The following PBRM1 variants were observed in gnomAD, a reference collection of about 807,000 sequenced individuals.
The protein encoded by PBRM1 is polybromo 1.
In PBRM1, 27 loss-of-function variants were observed where a neutral mutation model predicts 194.5. The ratio of observed to expected loss-of-function variants is 0.14; its 90% CI spans 0.10 to 0.19. The LOEUF (loss-of-function observed/expected upper bound fraction) is 0.19, where lower values mean the gene tolerates loss of function less well. Ranked by LOEUF, PBRM1 falls within the 10% of genes least tolerant of loss-of-function variation. The pLI is 1.00. For missense variants in PBRM1, 1,466 were observed against 2,077.2 expected (o/e 0.71, Z 5.72); for synonymous variants, 655 against 693.2 (o/e 0.94, Z 0.87).
At position 52,548,092 on chromosome 3, in the gene PBRM1, GA is replaced by G; in HGVS notation, c.5040del (p.Arg1681AlafsTer6). 1 of 1,610,186 alleles carries G rather than the reference GA, an allele frequency of 6.2e-7. No individual in the cohort carries two copies. Among genetic ancestry groups the G allele is most frequent in the Non-Finnish European group, 8.5e-7 (1 of 1,178,596 alleles). On this transcript the variant is annotated frameshift_variant, in exon 30 of 30. Transcript: ENST00000296302. LOFTEE classifies it high-confidence loss of function. Reference sequence around the variant, plus strand: ...ACATTTTCTAGGTTGTATGCTTGGCGAATGTTGAGGGTGTCCCGGAGCATCA... The same window carrying G: ...ACATTTTCTAGGTTGTATGCTTGGCGATGTTGAGGGTGTCCCGGAGCATCA...
chr3:52,662,442 T>C (rs778970582), intron 3 of PBRM1, among the ~76,000 whole-genome samples, 166 bp from the exon 5 acceptor site: 1 of 152,216 alleles, frequency 6.6e-6, no homozygotes, highest in African/African-American at 2.4e-5. Context: ...AAAAATTAAG[T>C]GTATGTTTTA....
chr3:52,566,435 T>C (rs567153178), intron 22 of PBRM1, among the ~76,000 whole-genome samples: 1 of 152,160 alleles, frequency 6.6e-6, no homozygotes, highest in Non-Finnish European at 1.5e-5. Context: ...ACAACCTACA[T>C]GTCCATTAAC....
At chr3:52,586,550 G>A (rs746373271) in exon 20 of PBRM1, 1 of 1,613,992 alleles carries the variant, frequency 6.2e-7, no homozygotes, top group Non-Finnish European at 8.5e-7. Context: ...GGCACATCCC[G>A]AGGGACAAAC....
At chr3:52,637,726 G>A (rs989729968) in intron 10 of PBRM1, among the ~76,000 whole-genome samples, 69 of 137,860 alleles carry the variant, frequency 5.0e-4, no homozygotes, top group African/African-American at 1.8e-3. Flanking sequence ...CCAGGAGTTC[G>A]AGATCAGCCT....
chr3:52,551,721 T>G (rs2081029349), intron 27 of PBRM1: 1 of 152,236 alleles, frequency 6.6e-6, no homozygotes. Flanking sequence ...GAACTGTTCT[T>G]GAAAACTTAA....
chr3:52,679,502 T>A (rs1215876863), intron 1 of PBRM1, 72 bp downstream of exon 2: 1 of 1,413,342 alleles, frequency 7.1e-7, no homozygotes, highest in African/African-American at 1.4e-5. Flanking sequence ...ATCGTAACAA[T>A]TTTACCATTA....
downstream of PBRM1, chr3:52,545,850 A>T (rs1337295053): frequency 1.3e-5 from 3 of 231,638 alleles, no homozygotes; most frequent in East Asian, 6.1e-5. Context: ...TCTTGAGTCA[A>T]TTTTTTTTTC....
intron 21 of PBRM1, among the ~76,000 whole-genome samples, chr3:52,578,528 T>A (rs1450427104): frequency 6.6e-6 from 1 of 152,224 alleles, no homozygotes; most frequent in African/African-American, 2.4e-5. Context: ...TATACCAGAC[T>A]CTGCTGTGTT....
At chr3:52,651,228 T>G (rs13065019) in intron 6 of PBRM1, among the ~76,000 whole-genome samples, 10 of 152,022 alleles carry the variant, frequency 6.6e-5, no homozygotes, top group Non-Finnish European at 1.2e-4. Flanking sequence ...CTGCCAGGGA[T>G]ACAGTGAAGG....
At chr3:52,550,726 A>G (rs1243264046) in intron 28 of PBRM1, 21 bp downstream of exon 30, 2 of 1,603,922 alleles carry the variant, frequency 1.2e-6, no homozygotes, top group East Asian at 2.2e-5. Context: ...AAGTCCTAGA[A>G]AATCAAACTG....
exon 25 of PBRM1, chr3:52,561,951 G>C (rs760304395): frequency 6.2e-7 from 1 of 1,613,708 alleles, no homozygotes; most frequent in South Asian, 1.1e-5. Flanking sequence ...CACTGCCTTT[G>C]GCAGACTTTG....
At position 52,658,285 on chromosome 3, in the gene PBRM1, C is replaced by A; in HGVS notation, c.559G>T (p.Glu187Ter). Residue 187 changes from glutamate to a stop codon, truncating the protein, a stop_gained, in exon 5 of 30, where the codon GAG becomes TAG. Coordinates refer to ENST00000296302, the Ensembl canonical transcript of PBRM1. LOFTEE classifies it high-confidence loss of function. Reference sequence around the variant, plus strand: ...ACAACTATGGCTTCAAGAAGCTGCTCCAGGATCTCCTTCAAGTAAGCTGGA... The same window carrying A: ...ACAACTATGGCTTCAAGAAGCTGCTACAGGATCTCCTTCAAGTAAGCTGGA... The A allele has an allele frequency of 6.2e-7, 1 of 1,610,912 alleles. No individual in the cohort carries two copies. The highest frequency in any genetic ancestry group is 1.1e-5 in the South Asian group (1 of 91,004).
upstream of PBRM1, chr3:52,685,892 C>G (rs1316558234): frequency 3.7e-5 from 23 of 628,650 alleles, no homozygotes; most frequent in Non-Finnish European, 5.7e-5. Flanking sequence ...TCCCTTACCC[C>G]TCCCGGTGCC....
chr3:52,617,565 A>C (rs770191117), intron 13 of PBRM1, 27 bp from the exon 16 acceptor site: 31 of 1,550,416 alleles, frequency 2.0e-5, no homozygotes, highest in Non-Finnish European at 2.7e-5. Flanking sequence ...AGAAAAGGGG[A>C]AAAATTAGAA....
intron 11 of PBRM1, among the ~76,000 whole-genome samples, chr3:52,630,377 G>C (rs1280137581): frequency 6.6e-6 from 1 of 152,036 alleles, no homozygotes; most frequent in South Asian, 2.1e-4. Flanking sequence ...GTACAATATA[G>C]TAGCCACTAG....
intron 25 of PBRM1, among the ~76,000 whole-genome samples, chr3:52,560,089 C>T (rs1032070037): frequency 3.9e-5 from 6 of 152,140 alleles, no homozygotes; most frequent in African/African-American, 1.4e-4. Flanking sequence ...ATAACTCCCC[C>T]CTCACTAGGT....
chr3:52,576,351 C>T (rs1455382444), intron 22 of PBRM1, among the ~76,000 whole-genome samples, 190 bp downstream of exon 24: 1 of 152,090 alleles, frequency 6.6e-6, no homozygotes, highest in Non-Finnish European at 1.5e-5. Flanking sequence ...CTAATTACCA[C>T]CTGATATTCT....
intron 24 of PBRM1, 149 bp downstream of exon 26, chr3:52,563,134 T>A: frequency 2.0e-6 from 1 of 495,174 alleles, no homozygotes. Flanking sequence ...AATGAATAAA[T>A]CATGGCACTG....
intron 5 of PBRM1, among the ~76,000 whole-genome samples, 165 bp downstream of exon 6, chr3:52,658,034 C>G (rs2096642128): frequency 6.6e-6 from 1 of 151,898 alleles, no homozygotes; most frequent in Non-Finnish European, 1.5e-5. Context: ...CTCAGATGAT[C>G]CACCTGCCTC....
Sources: allele counts gnomAD v4.1 joint callset (sites outside exome capture counted in the v4.1 genomes callset), GRCh38; gene constraint gnomAD v4.1.1; transcripts MANE v1.5; gene names NCBI Gene and HGNC (gene_info 2026-07-23, HGNC 2026-07-21).